The following ASPH variants were observed in gnomAD, a reference collection of about 807,000 sequenced individuals.
ASPH encodes aspartate beta-hydroxylase.
A neutral mutation model predicts 118.4 loss-of-function variants in ASPH; 100 were observed. The observed-to-expected ratio is 0.84, with a 90% CI of 0.72 to 1.00. ASPH has a LOEUF of 1.00. ASPH is among the 50% of genes least tolerant of loss of function. The pLI is 0.00. For missense variants in ASPH, 920 were observed against 919.5 expected (o/e 1.00, Z -0.01); for synonymous variants, 315 against 325.6 (o/e 0.97, Z 0.35).
chr8:61,617,129 A>C (rs1235340658), intron 14 of ASPH, among the ~76,000 whole-genome samples: 10 of 152,324 alleles, frequency 6.6e-5, no homozygotes. Flanking sequence ...GGCTGTGAGT[A>C]AATTTGGCAA....
At chr8:61,537,329 T>C (rs1820005889) in intron 21 of ASPH, among the ~76,000 whole-genome samples, 1 of 152,218 alleles carries the variant, frequency 6.6e-6, no homozygotes, top group African/African-American at 2.4e-5. Flanking sequence ...ACAAATTTCT[T>C]GACAAAGAGA....
chr8:61,680,915 A>AT, intron 3 of ASPH, 53 bp downstream of exon 3: 2 of 1,460,076 alleles, frequency 1.4e-6, no homozygotes, highest in South Asian at 2.6e-5. Context: ...AGCAAAAATA[A>AT]TTGTTTCCAG....
At chr8:61,516,783 A>G (rs1586367654) in intron 24 of ASPH, among the ~76,000 whole-genome samples, 1 of 152,352 alleles carries the variant, frequency 6.6e-6, no homozygotes, top group East Asian at 1.9e-4. Flanking sequence ...TCATAGGTAC[A>G]GAAGCCAGAG....
chr8:61,629,001 C>T (rs913298645), intron 13 of ASPH, among the ~76,000 whole-genome samples: 2 of 152,134 alleles, frequency 1.3e-5, no homozygotes, highest in Admixed American at 6.5e-5. Context: ...TGTTGCTAGC[C>T]TAAATCTGGT....
chr8:61,680,922 C>T, intron 3 of ASPH, 46 bp downstream of exon 3: 1 of 1,487,978 alleles, frequency 6.7e-7, no homozygotes, highest in South Asian at 1.3e-5. Flanking sequence ...ATAATTGTTT[C>T]CAGCATTTTA....
rs1168978691 is a variant in ASPH at position 61,646,855 on chromosome 8, C to G, written c.514G>C (p.Glu172Gln). The G allele has an allele frequency of 1.9e-6, 3 of 1,613,830 alleles. No individual in the cohort carries two copies. The highest frequency in any genetic ancestry group is 2.5e-6 in the Non-Finnish European group (3 of 1,179,892). ...EHVEGEDLQQEDGPTGEPQQE... is the reference protein window; with the variant it reads ...EHVEGEDLQQQDGPTGEPQQE... ...TGTGGTTCTCCTGTGGGTCCATCTTCTTGTTGCAAGTCTTCTCCCTCAACT... is the reference window on the plus strand; with the variant it reads ...TGTGGTTCTCCTGTGGGTCCATCTTGTTGTTGCAAGTCTTCTCCCTCAACT... The change falls in exon 6 of 25, where the codon GAA becomes CAA. Residue 172 changes from glutamate (E) to glutamine (Q), a missense_variant. By Grantham distance (29) the Glu-to-Gln change is conservative. Transcript: ENST00000379454.
chr8:61,576,839 A>G lies in ASPH; in HGVS notation c.1082T>C (p.Val361Ala), dbSNP rs767756058. The G allele has an allele frequency of 5.6e-6, 9 of 1,607,694 alleles. No homozygotes were observed. In the East Asian group the frequency reaches 1.8e-4, roughly 32 times the overall value. ...GCGTACTAGTTCTTTAAATGCATTC[A>G]CTGCTTCCTCAATTTTTCCCTGTTA... Reference protein sequence around the residue: ...LRKRGKIEEAVNAFKELVRKY... With the variant: ...LRKRGKIEEAANAFKELVRKY... The change falls in exon 16 of 25, where the codon GTG becomes GCG. Residue 361 changes from valine to alanine, a missense_variant. Transcript: ENST00000379454.
rs775774722 is a variant in ASPH, at chr8:61,644,032, G to A, written c.653-31C>T. On this transcript the variant is annotated intron_variant, in intron 7 of 24. Coordinates refer to ENST00000379454, the MANE Select transcript of ASPH (RefSeq NM_004318.4). ...AATTATGGAATAATTAGGAAATTAC[G>A]TCTCAAATAAGGAATACATGTAATA... 40 of 1,509,710 alleles carry A rather than the reference G, an allele frequency of 2.6e-5. No homozygotes were observed. The Admixed American group carries it at 2.9e-4, about 11-fold the overall frequency. 93.5% of individuals were successfully genotyped at this position (1,509,710 alleles called of 1,614,324 possible). A position where few individuals can be genotyped will look rare whatever the true frequency, so the allele number is the denominator to read the frequency against.
intron 1 of ASPH, among the ~76,000 whole-genome samples, chr8:61,689,307 C>A (rs1008962370): frequency 1.3e-5 from 2 of 151,996 alleles, no homozygotes; most frequent in African/African-American, 4.8e-5. Flanking sequence ...GAATTTATAT[C>A]TCCTATAATT....
intron 1 of ASPH, 70 bp from the exon 2 acceptor site, chr8:61,684,258 T>TGGAGAAATAATTG: frequency 1.4e-6 from 2 of 1,479,028 alleles, no homozygotes; most frequent in Non-Finnish European, 1.8e-6. Flanking sequence ...TCACAATTAT[T>TGGAGAAATAATTG]TCTCCAATAA....
chr8:61,637,137 C>T (rs1588445936), intron 12 of ASPH, among the ~76,000 whole-genome samples: 1 of 152,092 alleles, frequency 6.6e-6, no homozygotes, highest in African/African-American at 2.4e-5. Flanking sequence ...ATTGTAAGAG[C>T]AAAATTCTCC....
intron 13 of ASPH, among the ~76,000 whole-genome samples, chr8:61,632,501 C>T (rs1193669714): frequency 6.6e-6 from 1 of 152,096 alleles, no homozygotes; most frequent in East Asian, 1.9e-4. Flanking sequence ...GAAAAGGAAA[C>T]CAGCAGAAGG....
At chr8:61,562,358 CA>C (rs66585881) in intron 18 of ASPH, among the ~76,000 whole-genome samples, 75,339 of 110,772 alleles carry the variant, frequency 0.68, 27,232 homozygotes, top group Non-Finnish European at 0.82. Flanking sequence ...ATACTTCTGC[CA>C]AAAAAAAAAA....
intron 21 of ASPH, among the ~76,000 whole-genome samples, chr8:61,542,994 T>C (rs372634550): frequency 3.3e-5 from 5 of 152,222 alleles, no homozygotes; most frequent in African/African-American, 7.2e-5. Context: ...CTCTGTGTGC[T>C]TTCAAGAATC....
In ASPH at chr8:61,595,192, T is replaced by G. The variant is rs560823397; in HGVS notation, c.977-11163A>C. Among the ~76,000 whole-genome samples, 25 of 152,300 alleles carry G rather than the reference T, an allele frequency of 1.6e-4. No homozygotes were observed. The East Asian group carries it at 4.8e-3, about 29-fold the overall frequency. On this transcript the variant is annotated intron_variant, in intron 14 of 24. Coordinates refer to ENST00000379454, the MANE Select transcript of ASPH (RefSeq NM_004318.4). ...CCTGACATTACAAAATTGATTAATC[T>G]TGCTTTATAGTAGAGGTGGTAGGCA... is the stretch of plus-strand genomic sequence containing the variant.
intron 14 of ASPH, among the ~76,000 whole-genome samples, chr8:61,608,998 CT>C (rs1220348068): frequency 1.3e-5 from 2 of 152,142 alleles, no homozygotes; most frequent in African/African-American, 4.8e-5. Context: ...GGGTGCATCA[CT>C]GGTTTCAATA....
intron 1 of ASPH, among the ~76,000 whole-genome samples, chr8:61,699,523 T>A (rs947569302): frequency 8.5e-5 from 13 of 152,314 alleles, no homozygotes; most frequent in African/African-American, 2.6e-4. Context: ...TCTCTTCTAA[T>A]TCTAAAAATT....
chr8:61,705,485 A>G (rs563278361), intron 1 of ASPH, among the ~76,000 whole-genome samples: 2 of 152,368 alleles, frequency 1.3e-5, no homozygotes, highest in South Asian at 4.1e-4. Context: ...ACACAACATA[A>G]ACGAACTAAA....
rs538567976 is a variant in ASPH at position 61,696,369 on chromosome 8, T to C, written c.104-12181A>G. Among the ~76,000 whole-genome samples the C allele has an allele frequency of 2.0e-5, 3 of 152,340 alleles. No individual in the cohort carries two copies. In the South Asian group the frequency reaches 6.2e-4, roughly 32 times the overall value. ...ATTTATATCAGCCTCCAGGTATTTT[T>C]GGAACCTTTACTATCCTTTAGAATA... On this transcript the variant is annotated intron_variant, in intron 1 of 24. Transcript: ENST00000379454.
Sources: allele counts gnomAD v4.1 joint callset (sites outside exome capture counted in the v4.1 genomes callset), GRCh38; gene constraint gnomAD v4.1.1; transcripts MANE v1.5; gene names NCBI Gene and HGNC (gene_info 2026-07-23, HGNC 2026-07-21).